Variants in GPC5 observed in about 807,000 individuals in gnomAD.
GPC5 encodes the protein glypican-5.
In GPC5, 47 loss-of-function variants were observed where a neutral mutation model predicts 53.9. That is an observed-to-expected ratio of 0.87 (90% confidence interval 0.69 to 1.11). The LOEUF is 1.11. GPC5 is among the 50% of genes most tolerant of loss of function. The pLI is 0.00. For missense variants in GPC5, 748 were observed against 713.1 expected, an observed-to-expected ratio of 1.05 and a Z score of -0.56; for synonymous variants, 286 against 263.3, an observed-to-expected ratio of 1.09 and a Z score of -0.84.
At chr13:92,510,533 A>C (rs1245603820) in intron 7 of GPC5, among the ~76,000 whole-genome samples, 1 of 152,176 alleles carries the variant, frequency 6.6e-6, no homozygotes, top group Non-Finnish European at 1.5e-5. Context: ...TTATTCATTC[A>C]ATTGCAATGT....
intron 7 of GPC5, among the ~76,000 whole-genome samples, chr13:92,238,816 A>G (rs1364438221): frequency 2.0e-5 from 3 of 151,854 alleles, no homozygotes; most frequent in Non-Finnish European, 1.5e-5. Flanking sequence ...TGTCATATTT[A>G]AACAATCATT....
intron 7 of GPC5, among the ~76,000 whole-genome samples, chr13:92,777,118 T>G (rs1380348224): frequency 1.4e-5 from 2 of 141,184 alleles, no homozygotes; most frequent in East Asian, 4.2e-4. Context: ...GATCACGAGG[T>G]CAGGAGTTCC....
At chr13:92,246,776 G>C (rs1328847474) in intron 7 of GPC5, among the ~76,000 whole-genome samples, 1 of 152,106 alleles carries the variant, frequency 6.6e-6, no homozygotes, top group African/African-American at 2.4e-5. Context: ...TTCTGTTAGA[G>C]TTTATCACAG....
At chr13:92,628,417 T>C (rs1266438799) in intron 7 of GPC5, among the ~76,000 whole-genome samples, 3 of 151,812 alleles carry the variant, frequency 2.0e-5, no homozygotes, top group African/African-American at 7.3e-5. Flanking sequence ...CTATTTCAAA[T>C]TTCATACTTT....
chr13:91,603,654 T>C (rs78565624), intron 2 of GPC5, among the ~76,000 whole-genome samples: 6 of 152,244 alleles, frequency 3.9e-5, no homozygotes, highest in Non-Finnish European at 4.4e-5. Flanking sequence ...ATAATTTTGA[T>C]ATGAAGTTTT....
At chr13:91,605,613 A>G (rs1446061195) in intron 2 of GPC5, among the ~76,000 whole-genome samples, 1 of 10,964 alleles carries the variant, frequency 9.1e-5, no homozygotes, top group African/African-American at 2.8e-4. Flanking sequence ...ATTTGTTTGT[A>G]TCCTCTTTTA....
chr13:91,623,575 G>A (rs2033922346), intron 2 of GPC5, among the ~76,000 whole-genome samples: 1 of 152,128 alleles, frequency 6.6e-6, no homozygotes, highest in African/African-American at 2.4e-5. Context: ...GCTAGTAGAT[G>A]TTGGGTGAAG....
At chr13:91,455,860 C>T (rs936699710) in intron 2 of GPC5, among the ~76,000 whole-genome samples, 3 of 152,052 alleles carry the variant, frequency 2.0e-5, no homozygotes, top group African/African-American at 7.2e-5. Context: ...ACATGCAACC[C>T]ACTCATGATG....
intron 4 of GPC5, among the ~76,000 whole-genome samples, chr13:91,744,142 A>G (rs2036997128): frequency 6.6e-6 from 1 of 152,152 alleles, no homozygotes; most frequent in South Asian, 2.1e-4. Flanking sequence ...GCCTTATATA[A>G]ACAAACACAT....
chr13:92,559,577 A>G (rs1488065628), intron 7 of GPC5, among the ~76,000 whole-genome samples: 1 of 151,562 alleles, frequency 6.6e-6, no homozygotes, highest in Non-Finnish European at 1.5e-5. Flanking sequence ...AACAGGCAAT[A>G]TTCTTTTGCT....
chr13:92,591,577 T>C (rs1389248098), intron 7 of GPC5, among the ~76,000 whole-genome samples: 1 of 152,224 alleles, frequency 6.6e-6, no homozygotes, highest in Non-Finnish European at 1.5e-5. Flanking sequence ...TTACCACACA[T>C]AGTTGTCATT....
chr13:92,840,078 C>CATATATATATATATATATATAT (rs4001881), intron 7 of GPC5, among the ~76,000 whole-genome samples: 4 of 99,016 alleles, frequency 4.0e-5, no homozygotes, highest in Non-Finnish European at 8.2e-5. Flanking sequence ...TATATACATA[C>CATATATATATATATATATATAT]ATATATATAT....
chr13:92,149,638 G>A (rs1047965427), intron 7 of GPC5, among the ~76,000 whole-genome samples: 1 of 151,966 alleles, frequency 6.6e-6, no homozygotes, highest in African/African-American at 2.4e-5. Flanking sequence ...CACTTTACTA[G>A]CCGCTGAAGA....
At chr13:91,576,639 C>T (rs2032147615) in intron 2 of GPC5, among the ~76,000 whole-genome samples, 2 of 152,086 alleles carry the variant, frequency 1.3e-5, no homozygotes, top group Middle Eastern at 3.2e-3. Context: ...GACCACGCTG[C>T]CCCTCCTGAT....
chr13:92,859,958 C>T (rs1208929118), intron 7 of GPC5, among the ~76,000 whole-genome samples: 1 of 152,042 alleles, frequency 6.6e-6, no homozygotes, highest in African/African-American at 2.4e-5. Flanking sequence ...CATCTTTAAA[C>T]TTCAATCCAG....
intron 5 of GPC5, among the ~76,000 whole-genome samples, chr13:91,899,194 A>C (rs2039472670): frequency 6.6e-6 from 1 of 152,148 alleles, no homozygotes. Flanking sequence ...ATCATTTTTG[A>C]AGTGCCTTTC....
At chr13:92,740,877 T>A (rs1477440271) in intron 7 of GPC5, among the ~76,000 whole-genome samples, 1 of 108,324 alleles carries the variant, frequency 9.2e-6, no homozygotes, top group African/African-American at 3.7e-5. Flanking sequence ...TATTTATGTA[T>A]GTATGTATAT....
chr13:91,777,617 G>A (rs505246), intron 5 of GPC5, among the ~76,000 whole-genome samples: 110,086 of 152,034 alleles, frequency 0.72, 40,120 homozygotes, highest in East Asian at 0.9. Flanking sequence ...TTAAATTTCC[G>A]GGCTCTATAC....
At chr13:91,639,495 G>A (rs958181433) in intron 2 of GPC5, among the ~76,000 whole-genome samples, 5 of 152,262 alleles carry the variant, frequency 3.3e-5, no homozygotes, top group Admixed American at 6.5e-5. Context: ...TGCATTTATC[G>A]TAATTGACGT....
Sources: allele counts gnomAD v4.1 joint callset (sites outside exome capture counted in the v4.1 genomes callset), GRCh38; gene constraint gnomAD v4.1.1; transcripts MANE v1.5; gene names NCBI Gene and HGNC (gene_info 2026-07-23, HGNC 2026-07-21).